NXPE2: variants seen among roughly 807,000 people sequenced by gnomAD.
NXPE2 encodes NXPE family member 2.
In NXPE2, 34 loss-of-function variants were observed where a neutral mutation model predicts 34.4. The observed-to-expected ratio is 0.99, with a 90% CI of 0.75 to 1.31. The LOEUF (loss-of-function observed/expected upper bound fraction) is 1.31, where lower values mean the gene tolerates loss of function less well. Ranked by LOEUF, NXPE2 falls within the 40% of genes most tolerant of loss-of-function variation. The pLI, the probability that NXPE2 is intolerant of heterozygous loss-of-function variation, is 0.00. For synonymous variants in NXPE2, 235 were observed against 231.3 expected, an observed-to-expected ratio of 1.02 and a Z score of -0.15; for missense variants, 649 against 672.5, an observed-to-expected ratio of 0.97 and a Z score of 0.39.
chr11:114,608,387 C>T, the NXPE2 span, among the ~76,000 whole-genome samples: 1 of 151,912 alleles, frequency 6.6e-6, no homozygotes, highest in Non-Finnish European at 1.5e-5. Flanking sequence ...ATAAGTGTTG[C>T]CTCATGGGTA....
chr11:114,493,807 C>A, the NXPE2 span, among the ~76,000 whole-genome samples: 3 of 151,808 alleles, frequency 2.0e-5, no homozygotes, highest in African/African-American at 7.3e-5. Context: ...TAATGAATAC[C>A]TTCACATGAT....
the NXPE2 span, among the ~76,000 whole-genome samples, chr11:114,480,939 A>T: frequency 6.6e-6 from 1 of 152,228 alleles, no homozygotes; most frequent in African/African-American, 2.4e-5. Flanking sequence ...TCTAGAGATT[A>T]TACTTGCTTG....
the NXPE2 span, among the ~76,000 whole-genome samples, chr11:114,667,299 G>GT: frequency 1.3e-5 from 2 of 152,206 alleles, no homozygotes; most frequent in Admixed American, 1.3e-4. Context: ...TTTAAAAAAT[G>GT]TTTTTAATAA....
chr11:114,708,454 G>A (rs931271686), downstream of NXPE2, among the ~76,000 whole-genome samples: 7 of 151,968 alleles, frequency 4.6e-5, no homozygotes, highest in Non-Finnish European at 1.0e-4. Flanking sequence ...TCAAGAGTAG[G>A]AATATTGTTA....
At chr11:114,628,998 A>G in the NXPE2 span, among the ~76,000 whole-genome samples, 1 of 152,094 alleles carries the variant, frequency 6.6e-6, no homozygotes, top group Non-Finnish European at 1.5e-5. Context: ...TGAATAGACC[A>G]ATAACAGGCT....
At chr11:114,804,811 G>A in the NXPE2 span, among the ~76,000 whole-genome samples, 24 of 152,248 alleles carry the variant, frequency 1.6e-4, no homozygotes, top group Middle Eastern at 0.01. Flanking sequence ...GATGTGGCTG[G>A]AGGAGGAAGA....
At chr11:114,534,673 G>GAAAGGGTATCAGTGATGGAAGAC in the NXPE2 span, among the ~76,000 whole-genome samples, 5 of 152,212 alleles carry the variant, frequency 3.3e-5, no homozygotes, top group Non-Finnish European at 5.9e-5. Flanking sequence ...TCAACTGGAA[G>GAAAGGGTATCAGTGATGGAAGAC]AAAGGGTATC....
At chr11:114,635,781 A>T in the NXPE2 span, among the ~76,000 whole-genome samples, 1 of 152,060 alleles carries the variant, frequency 6.6e-6, no homozygotes, top group African/African-American at 2.4e-5. Flanking sequence ...TGATTTGCAT[A>T]TATTGAACCA....
chr11:114,756,539 C>T, the NXPE2 span, among the ~76,000 whole-genome samples: 2 of 149,818 alleles, frequency 1.3e-5, no homozygotes, highest in Non-Finnish European at 1.5e-5. Flanking sequence ...GGTATAATTC[C>T]CTCAATGGCC....
chr11:114,530,883 A>G, the NXPE2 span: 3 of 1,612,466 alleles, frequency 1.9e-6, no homozygotes, highest in Non-Finnish European at 2.5e-6. Context: ...ATGGACAGAG[A>G]TGGATAAGTT....
the NXPE2 span, among the ~76,000 whole-genome samples, chr11:114,604,187 T>A: frequency 6.6e-6 from 1 of 152,070 alleles, no homozygotes; most frequent in Non-Finnish European, 1.5e-5. Context: ...TACTGTTACC[T>A]GGTGGATAAT....
chr11:114,526,745 C>T, the NXPE2 span: 9 of 152,194 alleles, frequency 5.9e-5, no homozygotes, highest in South Asian at 1.0e-3. Flanking sequence ...TACAGGACAC[C>T]GTATTAAATT....
At chr11:114,475,226 GTTTTTTTTTTTTTTTTTTTT>G in the NXPE2 span, among the ~76,000 whole-genome samples, 1,919 of 88,088 alleles carry the variant, frequency 0.022, 53 homozygotes, top group African/African-American at 0.07. Context: ...AATGTGAACT[GTTTTTTTTTTTTTTTTTTTT>G]TTTTTTTTTT....
At chr11:114,763,506 CATT>C in the NXPE2 span, among the ~76,000 whole-genome samples, 1 of 152,204 alleles carries the variant, frequency 6.6e-6, no homozygotes. Flanking sequence ...CATGACCTCA[CATT>C]ATAACTTTCA....
chr11:114,492,477 G>A, the NXPE2 span, among the ~76,000 whole-genome samples: 3 of 151,532 alleles, frequency 2.0e-5, no homozygotes, highest in African/African-American at 7.3e-5. Context: ...TGGATGAAAT[G>A]TTCTCTAAAT....
chr11:114,663,231 A>G, the NXPE2 span, among the ~76,000 whole-genome samples: 2 of 152,098 alleles, frequency 1.3e-5, no homozygotes, highest in Non-Finnish European at 2.9e-5. Context: ...AAGGGAAAAG[A>G]GGGGAGGACT....
At chr11:114,758,522 A>G in the NXPE2 span, among the ~76,000 whole-genome samples, 1 of 152,312 alleles carries the variant, frequency 6.6e-6, no homozygotes, top group South Asian at 2.1e-4. Flanking sequence ...AGACTGGGAT[A>G]TATGGCGATT....
chr11:114,602,078 T>C, the NXPE2 span, among the ~76,000 whole-genome samples: 1 of 97,288 alleles, frequency 1.0e-5, no homozygotes, highest in Non-Finnish European at 1.8e-5. Flanking sequence ...ATATATTCTA[T>C]ATTTTATTAT....
At chr11:114,660,523 T>A in the NXPE2 span, among the ~76,000 whole-genome samples, 5 of 151,958 alleles carry the variant, frequency 3.3e-5, no homozygotes, top group African/African-American at 1.2e-4. Flanking sequence ...CCTATGATAA[T>A]CTCAGTATAA....
Sources: allele counts gnomAD v4.1 joint callset (sites outside exome capture counted in the v4.1 genomes callset), GRCh38; gene constraint gnomAD v4.1.1; transcripts MANE v1.5; gene names NCBI Gene and HGNC (gene_info 2026-07-23, HGNC 2026-07-21).